The following MDFIC variants were observed in gnomAD, a reference collection of about 807,000 sequenced individuals.
MDFIC encodes the protein myoD family inhibitor domain-containing protein.
In MDFIC, 17 loss-of-function variants were observed where a neutral mutation model predicts 23.2. The observed-to-expected ratio is 0.73, with a 90% confidence interval of 0.50 to 1.10. The LOEUF (loss-of-function observed/expected upper bound fraction) is 1.10, where lower values mean the gene tolerates loss of function less well. Among genes scored for constraint, MDFIC ranks in the 50% least tolerant of loss-of-function variants. The pLI is 0.00. For synonymous variants in MDFIC, 120 were observed against 115.2 expected (o/e 1.04, Z -0.27); for missense variants, 356 against 316.6 (o/e 1.12, Z -0.95).
At chr7:114,988,612 C>A (rs936102046) in intron 4 of MDFIC, among the ~76,000 whole-genome samples, 2 of 152,110 alleles carry the variant, frequency 1.3e-5, no homozygotes, top group Non-Finnish European at 2.9e-5. Context: ...CTGAGCAGGA[C>A]TGTCATTAAC....
intron 3 of MDFIC, among the ~76,000 whole-genome samples, chr7:114,942,733 G>T (rs749066288): frequency 2.0e-5 from 3 of 152,114 alleles, no homozygotes; most frequent in African/African-American, 4.8e-5. Context: ...GAGGAAGATG[G>T]AGCTAAAAGA....
chr7:114,987,529 G>T (rs148704237), intron 4 of MDFIC, among the ~76,000 whole-genome samples: 1 of 152,130 alleles, frequency 6.6e-6, no homozygotes, highest in South Asian at 2.1e-4. Flanking sequence ...TTTCTCAGGC[G>T]CAGTGCCTTC....
chr7:115,014,614 C>G (rs1346647898), intron 4 of MDFIC: 1 of 1,021,758 alleles, frequency 9.8e-7, no homozygotes, highest in Non-Finnish European at 1.2e-6. Context: ...ATACAAAGTA[C>G]AAAAACAAAA....
intron 3 of MDFIC, among the ~76,000 whole-genome samples, chr7:114,973,422 G>A (rs898495783): frequency 1.7e-4 from 26 of 152,010 alleles, no homozygotes; most frequent in African/African-American, 6.3e-4. Context: ...GGGCACACCC[G>A]GGTTTTAAGG....
At chr7:114,940,182 T>C (rs1458989634) in intron 2 of MDFIC, among the ~76,000 whole-genome samples, 4 of 152,276 alleles carry the variant, frequency 2.6e-5, no homozygotes, top group Non-Finnish European at 5.9e-5. Context: ...ATTTATATTT[T>C]ACTGCTATTT....
At chr7:115,013,545 A>G (rs1289325184) in intron 4 of MDFIC, among the ~76,000 whole-genome samples, 64 of 152,202 alleles carry the variant, frequency 4.2e-4, no homozygotes, top group Non-Finnish European at 1.5e-5. Flanking sequence ...TAAGCATTGC[A>G]TAGTGGAATA....
intron 3 of MDFIC, among the ~76,000 whole-genome samples, chr7:114,951,607 A>G (rs1045465959): frequency 1.3e-5 from 2 of 152,114 alleles, no homozygotes; most frequent in Non-Finnish European, 2.9e-5. Flanking sequence ...AGTTGAGTGA[A>G]AGCATATGGG....
intron 3 of MDFIC, among the ~76,000 whole-genome samples, chr7:114,959,856 G>A (rs371102329): frequency 1.1e-5 from 1 of 91,044 alleles, no homozygotes; most frequent in African/African-American, 3.8e-5. Flanking sequence ...TAATAATAAT[G>A]GGACTGGAGG....
In MDFIC at chr7:114,922,239, T is replaced by C; in HGVS notation, c.-505T>C. 1.8e-6 allele frequency: 1 copy of C among 559,742 alleles called. No homozygotes were observed. The highest frequency in any genetic ancestry group is 2.7e-6 in the Non-Finnish European group (1 of 375,778). The allele number at this position is 559,742 out of a possible 1,614,324, so 34.7% of individuals were successfully genotyped here. On this transcript the variant is annotated 5_prime_UTR_variant, in exon 1 of 5. Coordinates refer to ENST00000393486, the MANE Select transcript of MDFIC (RefSeq NM_001166345.3). The stretch of plus-strand genomic sequence containing the variant: ...AGCCCGGGTCGCGCCGCTCCCAGCA[T>C]CGGGGCCGCTAGCCAAGAGTTCGAG...
intron 2 of MDFIC, among the ~76,000 whole-genome samples, chr7:114,940,789 A>G (rs1212503402): frequency 6.6e-6 from 1 of 152,206 alleles, no homozygotes; most frequent in Non-Finnish European, 1.5e-5. Context: ...ATATTATTGA[A>G]AGAATAAATT....
intron 3 of MDFIC, among the ~76,000 whole-genome samples, chr7:114,942,953 G>C (rs2115766573): frequency 6.6e-6 from 1 of 152,280 alleles, no homozygotes; most frequent in African/African-American, 2.4e-5. Flanking sequence ...GAGTCCATGT[G>C]GGGTTCTGCT....
chr7:115,012,360 C>G (rs1791698933), intron 4 of MDFIC, among the ~76,000 whole-genome samples: 1 of 152,040 alleles, frequency 6.6e-6, no homozygotes, highest in South Asian at 2.1e-4. Context: ...CAAGGAAAGG[C>G]AAAATAAAAC....
intron 3 of MDFIC, among the ~76,000 whole-genome samples, chr7:114,969,832 G>T (rs78612838): frequency 2.0e-5 from 3 of 152,188 alleles, no homozygotes; most frequent in Non-Finnish European, 2.9e-5. Context: ...TCCAGATGAA[G>T]CATCTAGAGC....
At position 115,016,117 on chromosome 7, in the gene MDFIC, A is replaced by C; in HGVS notation, c.*182A>C. On this transcript the variant is annotated 3_prime_UTR_variant, in exon 5 of 5. Coordinates refer to ENST00000393486, the MANE Select transcript of MDFIC (RefSeq NM_001166345.3). ...AAATCTACATGGTTTAATATGTGAAATTTTAACTACTTTAACTAGTTTTAT... is the reference window on the plus strand; with the variant it reads ...AAATCTACATGGTTTAATATGTGAACTTTTAACTACTTTAACTAGTTTTAT... The C allele has an allele frequency of 1.7e-6, 1 of 601,058 alleles. No individual in the cohort carries two copies. 37.2% of individuals were successfully genotyped at this position (601,058 alleles called of 1,614,324 possible). A position where few individuals can be genotyped will look rare whatever the true frequency, so the allele number is the denominator to read the frequency against.
rs1419655525 is a variant in MDFIC, at chr7:114,945,894, T to C, written c.217+3497T>C. ...TACTCTTAGAACATAATTTGGTGTA[T>C]AATTTAATTTCTGAAAGGTGGCTTA... On this transcript the variant is annotated intron_variant, in intron 3 of 4. Transcript: ENST00000393486. Among the ~76,000 whole-genome samples the C allele has an allele frequency of 2.0e-5, 3 of 152,336 alleles. No individual in the cohort carries two copies. The South Asian group carries it at 6.2e-4, about 32-fold the overall frequency.
chr7:114,968,562 G>C (rs757394489), intron 3 of MDFIC, among the ~76,000 whole-genome samples: 2 of 152,072 alleles, frequency 1.3e-5, no homozygotes, highest in Non-Finnish European at 2.9e-5. Context: ...TTTCTATATG[G>C]GTTGGACAAG....
intron 3 of MDFIC, among the ~76,000 whole-genome samples, chr7:114,949,444 T>A (rs1023146849): frequency 2.6e-5 from 4 of 152,176 alleles, no homozygotes; most frequent in Admixed American, 2.6e-4. Context: ...AATGCTGTGG[T>A]CTAGATAATT....
chr7:114,951,126 C>T (rs1270371421), intron 3 of MDFIC, among the ~76,000 whole-genome samples: 1 of 152,116 alleles, frequency 6.6e-6, no homozygotes, highest in African/African-American at 2.4e-5. Flanking sequence ...GTTGGGACTG[C>T]AGTGAACTGT....
intron 3 of MDFIC, among the ~76,000 whole-genome samples, chr7:114,944,923 T>A (rs1792615817): frequency 6.6e-6 from 1 of 152,092 alleles, no homozygotes; most frequent in Non-Finnish European, 1.5e-5. Flanking sequence ...CTCACGGAAT[T>A]GATGTTAGTG....
Sources: gnomAD v4.1 joint callset for allele counts (sites outside exome capture counted in the v4.1 genomes callset) on GRCh38, gnomAD v4.1.1 for gene constraint, MANE v1.5 for transcripts, NCBI Gene and HGNC (gene_info 2026-07-23, HGNC 2026-07-21) for gene names.